The following SH3PXD2B variants were observed in gnomAD, a reference collection of about 807,000 sequenced individuals.
SH3PXD2B encodes the protein SH3 and PX domain-containing protein 2B.
In SH3PXD2B, 37 loss-of-function variants were observed where a neutral mutation model predicts 73.1. That is an observed-to-expected ratio of 0.51 (90% confidence interval 0.39 to 0.67). The LOEUF is 0.67. SH3PXD2B is among the 30% of genes least tolerant of loss of function. The pLI, the probability that SH3PXD2B is intolerant of heterozygous loss-of-function variation, is 0.00. For synonymous variants in SH3PXD2B, 457 were observed against 480.5 expected (o/e 0.95, Z 0.64); for missense variants, 1,053 against 1,197.8 (o/e 0.88, Z 1.78).
chr5:172,328,852 G>A (rs1029655182), downstream of SH3PXD2B, among the ~76,000 whole-genome samples: 2 of 151,984 alleles, frequency 1.3e-5, no homozygotes, highest in Non-Finnish European at 1.5e-5. Flanking sequence ...CAGGGAGAGA[G>A]AGAGCTGGAG....
At chr5:172,407,460 G>T (rs892741386) in intron 2 of SH3PXD2B, among the ~76,000 whole-genome samples, 4 of 152,234 alleles carry the variant, frequency 2.6e-5, no homozygotes, top group African/African-American at 9.6e-5. Context: ...ACCTCTGCTG[G>T]ACATGTGGCC....
chr5:172,419,637 C>T (rs1194705484), intron 2 of SH3PXD2B, among the ~76,000 whole-genome samples: 1 of 152,180 alleles, frequency 6.6e-6, no homozygotes, highest in Non-Finnish European at 1.5e-5. Context: ...CGGGAGCTGC[C>T]AGCTGGTTCC....
chr5:172,396,278 G>C (rs1437695401), intron 3 of SH3PXD2B, among the ~76,000 whole-genome samples: 1 of 151,438 alleles, frequency 6.6e-6, no homozygotes, highest in Non-Finnish European at 1.5e-5. Flanking sequence ...GGAAGCTAAG[G>C]CAGGAGAATC....
downstream of SH3PXD2B, among the ~76,000 whole-genome samples, chr5:172,329,077 A>ATT (rs1386202364): frequency 6.3e-5 from 4 of 63,566 alleles, no homozygotes; most frequent in African/African-American, 2.4e-4. Context: ...ATATATATAT[A>ATT]TATATATTTT....
At chr5:172,342,074 G>A (rs73319707) in intron 12 of SH3PXD2B, among the ~76,000 whole-genome samples, 3,205 of 152,220 alleles carry the variant, frequency 0.021, 97 homozygotes, top group African/African-American at 0.073. Flanking sequence ...GGATGACCAC[G>A]TGAGAAACAG....
intron 1 of SH3PXD2B, among the ~76,000 whole-genome samples, chr5:172,431,078 G>C (rs1759227214): frequency 6.6e-6 from 1 of 152,034 alleles, no homozygotes; most frequent in African/African-American, 2.4e-5. Flanking sequence ...TGTTCCCAAG[G>C]CTGGTCTCGA....
At chr5:172,373,331 C>T (rs533925787) in intron 6 of SH3PXD2B, among the ~76,000 whole-genome samples, 2 of 152,164 alleles carry the variant, frequency 1.3e-5, no homozygotes, top group Non-Finnish European at 2.9e-5. Context: ...CCCTCCTTTC[C>T]GATCCCTTAT....
intron 4 of SH3PXD2B, among the ~76,000 whole-genome samples, chr5:172,393,037 C>A (rs993482266): frequency 3.3e-5 from 5 of 152,128 alleles, no homozygotes; most frequent in African/African-American, 4.8e-5. Context: ...AGTGTTTTGA[C>A]TATTCTGGAT....
chr5:172,377,150 G>C (rs1406516856), intron 5 of SH3PXD2B, among the ~76,000 whole-genome samples: 2 of 152,156 alleles, frequency 1.3e-5, no homozygotes, highest in African/African-American at 4.8e-5. Flanking sequence ...GGACTCTTGG[G>C]TTCAGGCAGC....
intron 6 of SH3PXD2B, among the ~76,000 whole-genome samples, chr5:172,368,542 A>T (rs552890489): frequency 5.4e-5 from 1 of 18,634 alleles, no homozygotes. Context: ...ATATATATAA[A>T]ATATATATAT....
At chr5:172,386,647 T>C (rs1355801443) in intron 4 of SH3PXD2B, among the ~76,000 whole-genome samples, 1 of 152,198 alleles carries the variant, frequency 6.6e-6, no homozygotes, top group African/African-American at 2.4e-5. Context: ...TTGCTTGTTT[T>C]TGAGACAGGG....
At chr5:172,368,503 TA>T (rs1172657443) in intron 6 of SH3PXD2B, among the ~76,000 whole-genome samples, 3 of 39,196 alleles carry the variant, frequency 7.7e-5, no homozygotes, top group African/African-American at 4.4e-4. Flanking sequence ...ATATTATATA[TA>T]TATATATAAA....
chr5:172,420,532 T>G (rs527931178), intron 2 of SH3PXD2B, among the ~76,000 whole-genome samples: 1 of 152,286 alleles, frequency 6.6e-6, no homozygotes, highest in African/African-American at 2.4e-5. Flanking sequence ...TGAGAGAAAC[T>G]GTGTGGCAAA....
intron 1 of SH3PXD2B, among the ~76,000 whole-genome samples, chr5:172,439,692 GCACACA>G (rs367799974): frequency 0.031 from 4,360 of 138,592 alleles, 93 homozygotes; most frequent in Middle Eastern, 0.043. Context: ...GCACGCGCGC[GCACACA>G]CACACACACA....
rs902469313 is a variant in SH3PXD2B at position 172,335,425 on chromosome 5, C to G, written c.*2944G>C. On this transcript the variant is annotated 3_prime_UTR_variant, in exon 13 of 13. Coordinates refer to ENST00000311601, the MANE Select transcript of SH3PXD2B (RefSeq NM_001017995.3). ...AAAGTCATGGACACGAGGGAAAGAACAACAACAACAAAACCAAACAAACCC... is the reference window on the plus strand; with the variant it reads ...AAAGTCATGGACACGAGGGAAAGAAGAACAACAACAAAACCAAACAAACCC... The G allele has an allele frequency of 5.9e-6, 7 of 1,183,402 alleles. No individual in the cohort carries two copies. The African/African-American group carries it at 1.4e-4, about 24-fold the overall frequency. 73.3% of individuals were successfully genotyped at this position (1,183,402 alleles called of 1,614,324 possible).
intron 12 of SH3PXD2B, among the ~76,000 whole-genome samples, chr5:172,345,018 A>T (rs1043539549): frequency 2.1e-5 from 3 of 144,700 alleles, no homozygotes; most frequent in Non-Finnish European, 4.5e-5. Context: ...AGAAGGAGGG[A>T]AAGGAGGGAG....
rs563874949 is a variant in SH3PXD2B at position 172,428,067 on chromosome 5, C to T, written c.76-5571G>A. Reference sequence around the variant, plus strand: ...CTGGGATTACAGGCATGAGCCACCGCACCTGGCCAAAGAAAAATTTTTTAA... The same window carrying T: ...CTGGGATTACAGGCATGAGCCACCGTACCTGGCCAAAGAAAAATTTTTTAA... On this transcript the variant is annotated intron_variant, in intron 1 of 12. Coordinates refer to ENST00000311601, the MANE Select transcript of SH3PXD2B (RefSeq NM_001017995.3). 6.8e-4 allele frequency among the ~76,000 whole-genome samples: 103 copies of T among 152,232 alleles called. 1 individual carries two copies. Among genetic ancestry groups the T allele is most frequent in the Non-Finnish European group, 1.0e-4 (7 of 68,024 alleles).
rs919552207 is a variant in SH3PXD2B, at chr5:172,350,349, C to T, written c.1012+14G>A. ...GGGCCCTGATTATCAGGAGCTTGGGCGGGTGTCACTCACTCTGCTTGGCGT... is the reference window on the plus strand; with the variant it reads ...GGGCCCTGATTATCAGGAGCTTGGGTGGGTGTCACTCACTCTGCTTGGCGT... On this transcript the variant is annotated intron_variant, in intron 10 of 12. Transcript: ENST00000311601. The T allele has an allele frequency of 2.1e-5, 34 of 1,611,710 alleles. No homozygotes were observed. The highest frequency in any genetic ancestry group is 1.8e-4 in the Middle Eastern group (1 of 5,548).
intron 4 of SH3PXD2B, among the ~76,000 whole-genome samples, chr5:172,391,462 C>T (rs1758188653): frequency 6.6e-6 from 1 of 152,078 alleles, no homozygotes; most frequent in African/African-American, 2.4e-5. Flanking sequence ...CACGGCTTGC[C>T]ATTTCTTTCT....
Sources: allele counts gnomAD v4.1 joint callset (sites outside exome capture counted in the v4.1 genomes callset), GRCh38; gene constraint gnomAD v4.1.1; transcripts MANE v1.5; gene names NCBI Gene and HGNC (gene_info 2026-07-23, HGNC 2026-07-21).